The following RPRD1B variants were observed in gnomAD, a reference collection of about 807,000 sequenced individuals.
The protein encoded by RPRD1B is regulation of nuclear pre-mRNA domain containing 1B.
A neutral mutation model predicts 41.5 loss-of-function variants in RPRD1B; 11 were observed. That is an observed-to-expected ratio of 0.27 (90% CI 0.17 to 0.44). RPRD1B has a LOEUF of 0.44. Ranked by LOEUF, RPRD1B falls within the 20% of genes least tolerant of loss-of-function variation. The pLI is 1.00. For synonymous variants in RPRD1B, 158 were observed against 155.6 expected, an observed-to-expected ratio of 1.02 and a Z score of -0.12; for missense variants, 248 against 389.9, an observed-to-expected ratio of 0.64 and a Z score of 3.06.
chr20:38,087,668 C>T lies in RPRD1B; in HGVS notation c.832-2058C>T, dbSNP rs376337510. 2.4e-4 allele frequency among the ~76,000 whole-genome samples: 36 copies of T among 152,282 alleles called. No individual in the cohort carries two copies. In the East Asian group the frequency reaches 3.7e-3, roughly 15 times the overall value. On this transcript the variant is annotated intron_variant, in intron 6 of 6. Coordinates refer to ENST00000373433, the MANE Select transcript of RPRD1B (RefSeq NM_021215.4). ...TGTCCAGAAATAGAGAATTAGTTGC[C>T]TTCATCCTTTATATTAATTTCCCTT...
Position 38,092,249 on chromosome 20 carries a change from A to G in RPRD1B, c.*2374A>G. The G allele has an allele frequency of 1.0e-6, 1 of 984,742 alleles. No homozygotes were observed. Among genetic ancestry groups the G allele is most frequent in the Non-Finnish European group, 1.2e-6 (1 of 829,008 alleles). The allele number at this position is 984,742 out of a possible 1,614,324, so 61.0% of individuals were successfully genotyped here. On this transcript the variant is annotated 3_prime_UTR_variant, in exon 7 of 7. Coordinates refer to ENST00000373433, the MANE Select transcript of RPRD1B (RefSeq NM_021215.4). Reference sequence around the variant, plus strand: ...TCTTAAAGAATATTTTCAAAGCTTAAATTTGTATATTAATTTAGGACTATT... The same window carrying G: ...TCTTAAAGAATATTTTCAAAGCTTAGATTTGTATATTAATTTAGGACTATT...
chr20:38,053,012 C>G, intron 3 of RPRD1B, among the ~76,000 whole-genome samples: 1 of 151,976 alleles, frequency 6.6e-6, no homozygotes, highest in East Asian at 1.9e-4. Context: ...CTGCTGGAGA[C>G]ACAGGGACAA....
intron 6 of RPRD1B, among the ~76,000 whole-genome samples, chr20:38,071,888 T>C (rs894359456): frequency 6.6e-6 from 1 of 152,216 alleles, no homozygotes; most frequent in African/African-American, 2.4e-5. Context: ...TTTTTTTGAG[T>C]TGTAAAAGTT....
chr20:38,041,091 T>A (rs748624201), intron 2 of RPRD1B, among the ~76,000 whole-genome samples: 1 of 152,234 alleles, frequency 6.6e-6, no homozygotes, highest in Non-Finnish European at 1.5e-5. Flanking sequence ...GGTGCTGTTG[T>A]GTTTTGTGGC....
chr20:38,070,194 T>G, intron 6 of RPRD1B: 1 of 985,086 alleles, frequency 1.0e-6, no homozygotes. Context: ...ATCATCTTTT[T>G]TTGTTTGTTT....
intron 2 of RPRD1B, among the ~76,000 whole-genome samples, chr20:38,043,397 G>T (rs192858877): frequency 6.6e-6 from 1 of 152,310 alleles, no homozygotes; most frequent in African/African-American, 2.4e-5. Context: ...CATACACCCT[G>T]TAAGTCTTGG....
chr20:38,089,788 G>A lies in RPRD1B; in HGVS notation c.894G>A (p.Gln298=). 6.2e-7 allele frequency: 1 copy of A among 1,614,154 alleles called. No individual in the cohort carries two copies. The highest frequency in any genetic ancestry group is 8.5e-7 in the Non-Finnish European group (1 of 1,180,018). The change falls in exon 7 of 7, where the codon CAG becomes CAA. Residue 298 remains glutamine, a synonymous_variant. Transcript: ENST00000373433. Reference sequence around the variant, plus strand: ...GCAAGGAACTGAAATCCCATATTCAGAGCTTGCCAGACCTCTCACTGCTGC... The same window carrying A: ...GCAAGGAACTGAAATCCCATATTCAAAGCTTGCCAGACCTCTCACTGCTGC... The part of the protein sequence containing the change: ...QVRKELKSHI[Q]SLPDLSLLPN...
chr20:38,077,765 G>GC (rs1020506280), intron 6 of RPRD1B, among the ~76,000 whole-genome samples: 4 of 152,082 alleles, frequency 2.6e-5, no homozygotes, highest in African/African-American at 9.7e-5. Context: ...CTGCTCTTAG[G>GC]CCCTATAATC....
rs374686547 is a variant in RPRD1B, at chr20:38,070,857, G to A, written c.831+4601G>A. 1.3e-3 allele frequency: 527 copies of A among 392,002 alleles called. 1 individual carries two copies. Among genetic ancestry groups the A allele is most frequent in the African/African-American group, 0.011 (483 of 44,472 alleles). The allele number at this position is 392,002 out of a possible 1,614,324, so 24.3% of individuals were successfully genotyped here. On this transcript the variant is annotated intron_variant, in intron 6 of 6. Transcript: ENST00000373433. ...AGCGATTCTCGTGCCTCAGCCTCCC[G>A]AGTAGCTGGGACTACAGGCGCATGC...
intron 3 of RPRD1B, among the ~76,000 whole-genome samples, chr20:38,050,543 G>T (rs997061733): frequency 1.3e-5 from 2 of 152,170 alleles, no homozygotes; most frequent in African/African-American, 2.4e-5. Flanking sequence ...CTTGAAAGAG[G>T]ATGTTTGAAG....
In RPRD1B at chr20:38,090,797, A is replaced by G. The variant is rs998863033; in HGVS notation, c.*922A>G. On this transcript the variant is annotated 3_prime_UTR_variant, in exon 7 of 7. Coordinates refer to ENST00000373433, the MANE Select transcript of RPRD1B (RefSeq NM_021215.4). ...GGACCCTTTCTTCTGGGAGTAGGGTACACACTAACGTTTAATCCGCTGTCT... is the reference window on the plus strand; with the variant it reads ...GGACCCTTTCTTCTGGGAGTAGGGTGCACACTAACGTTTAATCCGCTGTCT... 6.1e-6 allele frequency: 6 copies of G among 985,344 alleles called. No homozygotes were observed. Among genetic ancestry groups the G allele is most frequent in the African/African-American group, 1.7e-5 (1 of 57,252 alleles). 61.0% of individuals were successfully genotyped at this position (985,344 alleles called of 1,614,324 possible).
chr20:38,068,256 C>T (rs561230817), intron 6 of RPRD1B, among the ~76,000 whole-genome samples: 16 of 152,320 alleles, frequency 1.1e-4, no homozygotes, highest in African/African-American at 3.6e-4. Context: ...AGAAAGGCCC[C>T]ACCACTGGAA....
chr20:38,070,246 C>T, intron 6 of RPRD1B: 2 of 985,218 alleles, frequency 2.0e-6, no homozygotes, highest in Non-Finnish European at 2.4e-6. Context: ...TGACTTTGGC[C>T]TATGATGTTG....
intron 5 of RPRD1B, 46 bp from the exon 6 acceptor site, chr20:38,066,035 T>C (rs778369177): frequency 1.9e-6 from 3 of 1,584,428 alleles, no homozygotes; most frequent in Non-Finnish European, 2.6e-6. Flanking sequence ...GTCATACCTG[T>C]GTGATTTGTA....
At chr20:38,075,264 GA>G (rs1297638039) in intron 6 of RPRD1B, among the ~76,000 whole-genome samples, 1 of 152,192 alleles carries the variant, frequency 6.6e-6, no homozygotes, top group Non-Finnish European at 1.5e-5. Flanking sequence ...ACCAGTCTAG[GA>G]CTTCATTGAG....
chr20:38,035,308 A>C (rs2073988669), intron 1 of RPRD1B, among the ~76,000 whole-genome samples: 1 of 152,244 alleles, frequency 6.6e-6, no homozygotes, highest in Non-Finnish European at 1.5e-5. Context: ...GAGCTGCTCC[A>C]GACACCCTAT....
chr20:38,064,338 G>C (rs1048321703), intron 5 of RPRD1B, among the ~76,000 whole-genome samples: 15 of 152,202 alleles, frequency 9.9e-5, no homozygotes, highest in Non-Finnish European at 2.1e-4. Flanking sequence ...GCATCGAAAA[G>C]CCAGATGGCT....
intron 4 of RPRD1B, 128 bp downstream of exon 4, chr20:38,057,772 G>A (rs1600409046): frequency 9.6e-6 from 6 of 623,370 alleles, no homozygotes; most frequent in Admixed American, 2.8e-5. Context: ...CAGGGGCCCC[G>A]TGCATCATCC....
chr20:38,065,080 A>T (rs6022752), intron 5 of RPRD1B, among the ~76,000 whole-genome samples: 1 of 152,212 alleles, frequency 6.6e-6, no homozygotes, highest in Non-Finnish European at 1.5e-5. Flanking sequence ...GTGTATTTAC[A>T]TAAGTGTATT....
Sources: gnomAD v4.1 joint callset for allele counts (sites outside exome capture counted in the v4.1 genomes callset) on GRCh38, gnomAD v4.1.1 for gene constraint, MANE v1.5 for transcripts, NCBI Gene and HGNC (gene_info 2026-07-23, HGNC 2026-07-21) for gene names.